Variants in DLGAP2 observed in about 807,000 individuals in gnomAD.
The protein encoded by DLGAP2 is disks large-associated protein 2.
A neutral mutation model predicts 100.3 loss-of-function variants in DLGAP2; 26 were observed. The ratio of observed to expected loss-of-function variants is 0.26; its 90% CI spans 0.19 to 0.36. The LOEUF (loss-of-function observed/expected upper bound fraction) is 0.36, where lower values mean the gene tolerates loss of function less well. Ranked by LOEUF, DLGAP2 falls within the 10% of genes least tolerant of loss-of-function variation. The probability of loss-of-function intolerance (pLI) is 1.00; values close to 1 mark genes in which losing one functional copy is unlikely to be tolerated. For missense variants in DLGAP2, 1,858 were observed against 1,453.2 expected, an observed-to-expected ratio of 1.28 and a Z score of -4.53; for synonymous variants, 886 against 630.1, an observed-to-expected ratio of 1.41 and a Z score of -6.08.
intron 4 of DLGAP2, among the ~76,000 whole-genome samples, chr8:1,502,739 G>GT (rs1318434835): frequency 6.6e-6 from 1 of 152,196 alleles, no homozygotes; most frequent in African/African-American, 2.4e-5. Flanking sequence ...CTCATTTGAC[G>GT]TTTGTTTTCT....
intron 1 of DLGAP2, among the ~76,000 whole-genome samples, chr8:757,375 A>G (rs999581744): frequency 6.6e-5 from 10 of 152,202 alleles, no homozygotes; most frequent in Admixed American, 2.0e-4. Context: ...GATTTATTGA[A>G]AACATGGTTT....
At chr8:914,207 G>C (rs1164502292) in intron 2 of DLGAP2, among the ~76,000 whole-genome samples, 1 of 152,296 alleles carries the variant, frequency 6.6e-6, no homozygotes, top group South Asian at 2.1e-4. Context: ...CAAAAGCAAA[G>C]TCAGGGCTGA....
chr8:1,490,604 G>C (rs1327362250), intron 3 of DLGAP2, among the ~76,000 whole-genome samples: 1 of 152,166 alleles, frequency 6.6e-6, no homozygotes, highest in Non-Finnish European at 1.5e-5. Context: ...CGGCTCAGTA[G>C]GTAAAGGTGA....
chr8:1,360,236 C>CGGGGCTTCTCCGGGGT (rs1563104641), intron 3 of DLGAP2, among the ~76,000 whole-genome samples: 2 of 53,684 alleles, frequency 3.7e-5, no homozygotes, highest in East Asian at 1.2e-3. Context: ...TTCTCCGGGG[C>CGGGGCTTCTCCGGGGT]GGGGCTTCTC....
chr8:887,056 A>T (rs1797937055), intron 1 of DLGAP2, among the ~76,000 whole-genome samples: 1 of 152,134 alleles, frequency 6.6e-6, no homozygotes, highest in African/African-American at 2.4e-5. Flanking sequence ...ATACTCCTTT[A>T]TTGGGTGCGT....
At chr8:1,374,660 T>G (rs1802345626) in intron 3 of DLGAP2, among the ~76,000 whole-genome samples, 1 of 152,174 alleles carries the variant, frequency 6.6e-6, no homozygotes, top group Admixed American at 6.5e-5. Context: ...AACTCCAAGT[T>G]CATTTCTGAG....
At chr8:1,022,166 A>C (rs937371697) in intron 2 of DLGAP2, among the ~76,000 whole-genome samples, 2 of 151,096 alleles carry the variant, frequency 1.3e-5, no homozygotes, top group African/African-American at 4.9e-5. Flanking sequence ...GGGGGTGGAC[A>C]GTCCTGTGCT....
At chr8:1,090,637 C>T (rs955451433) in intron 2 of DLGAP2, among the ~76,000 whole-genome samples, 1 of 152,202 alleles carries the variant, frequency 6.6e-6, no homozygotes, top group African/African-American at 2.4e-5. Flanking sequence ...GCTGACTGAG[C>T]CCTGAGGGGC....
intron 2 of DLGAP2, among the ~76,000 whole-genome samples, chr8:1,132,978 C>CA (rs1796328590): frequency 6.6e-6 from 1 of 152,138 alleles, no homozygotes; most frequent in African/African-American, 2.4e-5. Flanking sequence ...AAATTTAGAG[C>CA]AAAGGGCAAT....
intron 1 of DLGAP2, among the ~76,000 whole-genome samples, chr8:873,395 G>T (rs773095014): frequency 6.6e-6 from 1 of 152,154 alleles, no homozygotes; most frequent in Middle Eastern, 3.2e-3. Context: ...CAACATCCTT[G>T]TCTTGTTCCT....
chr8:1,553,494 C>T (rs1048107799), intron 5 of DLGAP2, among the ~76,000 whole-genome samples: 1 of 152,228 alleles, frequency 6.6e-6, no homozygotes, highest in Non-Finnish European at 1.5e-5. Context: ...GGCGTGTTCA[C>T]GGGCAGCCCC....
chr8:803,911 A>T (rs1312693301), intron 1 of DLGAP2, among the ~76,000 whole-genome samples: 2 of 152,244 alleles, frequency 1.3e-5, no homozygotes, highest in Non-Finnish European at 1.5e-5. Flanking sequence ...TTTCAAAAGA[A>T]ATTTGGAGTC....
At chr8:933,091 G>A (rs924596212) in intron 2 of DLGAP2, among the ~76,000 whole-genome samples, 1 of 152,212 alleles carries the variant, frequency 6.6e-6, no homozygotes, top group African/African-American at 2.4e-5. Context: ...TCCTGTCCCC[G>A]TCCGTTCCTG....
intron 2 of DLGAP2, among the ~76,000 whole-genome samples, chr8:1,195,614 T>G: frequency 6.6e-6 from 1 of 152,248 alleles, no homozygotes; most frequent in African/African-American, 2.4e-5. Flanking sequence ...CTAATTCTTA[T>G]GTAAAAATTT....
chr8:904,551 G>T (rs1458294840), intron 1 of DLGAP2, among the ~76,000 whole-genome samples: 1 of 152,214 alleles, frequency 6.6e-6, no homozygotes. Flanking sequence ...GACGGCCCCA[G>T]TGGACGTGTG....
chr8:1,137,352 G>T (rs1199132427), intron 2 of DLGAP2: 2 of 152,602 alleles, frequency 1.3e-5, no homozygotes, highest in Non-Finnish European at 2.9e-5. Context: ...TGGATTTGGG[G>T]TGTGCGTAAT....
intron 5 of DLGAP2, among the ~76,000 whole-genome samples, chr8:1,562,711 G>T (rs1376406074): frequency 1.3e-4 from 4 of 29,784 alleles, no homozygotes; most frequent in African/African-American, 6.5e-4. Flanking sequence ...TGTGGTGTTG[G>T]GGTGTCCGCG....
chr8:1,610,673 T>G (rs1463340606), intron 6 of DLGAP2, among the ~76,000 whole-genome samples: 1 of 127,048 alleles, frequency 7.9e-6, no homozygotes, highest in African/African-American at 3.4e-5. Context: ...GAGAGAAGAA[T>G]CAAATAGACA....
intron 2 of DLGAP2, among the ~76,000 whole-genome samples, chr8:1,180,933 C>T (rs866927720): frequency 0.015 from 1,809 of 120,868 alleles, 117 homozygotes; most frequent in African/African-American, 0.058. Flanking sequence ...AAGGGCAGTA[C>T]ACTTACTGTC....
Sources: allele counts gnomAD v4.1 joint callset (sites outside exome capture counted in the v4.1 genomes callset), GRCh38; gene constraint gnomAD v4.1.1; transcripts MANE v1.5; gene names NCBI Gene and HGNC (gene_info 2026-07-23, HGNC 2026-07-21).